Variants in ZNF529 observed in about 807,000 individuals in gnomAD.
The protein encoded by ZNF529 is zinc finger protein 529.
ZNF529 carries 11 observed loss-of-function variants against 10.1 expected under a neutral mutation model. That is an observed-to-expected ratio of 1.09 (90% CI 0.69 to 1.81). ZNF529 has a LOEUF of 1.81. Ranked by LOEUF, ZNF529 falls within the 40% of genes most tolerant of loss-of-function variation. ZNF529 has a pLI of 0.00. For missense variants in ZNF529, 624 were observed against 666.8 expected (o/e 0.94, Z 0.71); for synonymous variants, 204 against 215.7 (o/e 0.95, Z 0.47).
rs111439645 is a variant in ZNF529 at position 36,557,751 on chromosome 19, C to T, written c.15-1554G>A. On this transcript the variant is annotated intron_variant, in intron 2 of 4. Transcript: ENST00000591340. ...AAAGTACTGGAGTTCCAACAATTGT[C>T]TATAATGTCCACTTTCCACAAACAA... 9.5e-3 allele frequency among the ~76,000 whole-genome samples: 1,443 copies of T among 152,238 alleles called. 11 individuals are homozygous for T. The highest frequency in any genetic ancestry group is 0.019 in the South Asian group (93 of 4,828).
At chr19:36,596,756 G>A (rs1461046123) in intron 1 of ZNF529, among the ~76,000 whole-genome samples, 3 of 152,064 alleles carry the variant, frequency 2.0e-5, no homozygotes, top group Non-Finnish European at 4.4e-5. Flanking sequence ...CTGACCTCAA[G>A]TGATCTGCCC....
chr19:36,596,365 C>T (rs1399703994), intron 1 of ZNF529, among the ~76,000 whole-genome samples: 2 of 152,052 alleles, frequency 1.3e-5, no homozygotes, highest in African/African-American at 2.4e-5. Flanking sequence ...AGCCACCGCA[C>T]CCAGCCTTGG....
At chr19:36,550,685 A>G (rs2035227584) in intron 4 of ZNF529, among the ~76,000 whole-genome samples, 1 of 152,222 alleles carries the variant, frequency 6.6e-6, no homozygotes, top group Admixed American at 6.5e-5. Flanking sequence ...TTGTCTCATA[A>G]AAAGTAAAAA....
intron 1 of ZNF529, among the ~76,000 whole-genome samples, chr19:36,601,570 A>G (rs2036924368): frequency 6.6e-6 from 1 of 152,112 alleles, no homozygotes; most frequent in Non-Finnish European, 1.5e-5. Context: ...ATGTGGAATG[A>G]CTTAGAATAT....
Position 36,546,063 on chromosome 19 carries a change from A to ATATATATG in ZNF529, c.*802_*803insCATATATA, listed in dbSNP as rs1568567071. On this transcript the variant is annotated 3_prime_UTR_variant, in exon 5 of 5. Coordinates refer to ENST00000591340, the MANE Select transcript of ZNF529 (RefSeq NM_020951.5). Reference sequence around the variant, plus strand: ...ACATATATTGTGTGTGTGTGTGTGTATATATATATATATATATAGTGTGTT... The same window carrying ATATATATG: ...ACATATATTGTGTGTGTGTGTGTGTATATATATGTATATATATATATATATAGTGTGTT... 2.6e-5 allele frequency: 2 copies of ATATATATG among 78,404 alleles called. No homozygotes were observed. The highest frequency in any genetic ancestry group is 9.0e-5 in the African/African-American group (2 of 22,306). 4.9% of individuals were successfully genotyped at this position (78,404 alleles called of 1,614,324 possible).
chr19:36,575,794 A>G (rs962393194), upstream of ZNF529, among the ~76,000 whole-genome samples: 2 of 152,086 alleles, frequency 1.3e-5, no homozygotes, highest in African/African-American at 4.8e-5. Flanking sequence ...AGGCAGGTTT[A>G]ACCACGTTAT....
At chr19:36,549,448 TAA>T (rs1177218041) in intron 4 of ZNF529, among the ~76,000 whole-genome samples, 1 of 152,164 alleles carries the variant, frequency 6.6e-6, no homozygotes, top group Non-Finnish European at 1.5e-5. Flanking sequence ...TATACAAAGA[TAA>T]GTCACTAGAA....
intron 2 of ZNF529, among the ~76,000 whole-genome samples, chr19:36,560,388 T>C (rs1219128035): frequency 2.6e-5 from 4 of 152,284 alleles, no homozygotes; most frequent in Non-Finnish European, 4.4e-5. Context: ...ATGTATTTAT[T>C]GGGCCCATAA....
intron 1 of ZNF529, among the ~76,000 whole-genome samples, chr19:36,601,915 A>G (rs2145297421): frequency 6.6e-6 from 1 of 152,258 alleles, no homozygotes; most frequent in East Asian, 1.9e-4. Context: ...TATATAAAAG[A>G]GAGATGAAAA....
intron 2 of ZNF529, among the ~76,000 whole-genome samples, chr19:36,569,830 T>G (rs1198137278): frequency 3.3e-5 from 5 of 152,072 alleles, no homozygotes; most frequent in Non-Finnish European, 7.4e-5. Context: ...CCCTGCACAT[T>G]CCAAAGAAGA....
chr19:36,583,495 T>G (rs2036515146), intron 2 of ZNF529, among the ~76,000 whole-genome samples: 1 of 150,810 alleles, frequency 6.6e-6, no homozygotes. Context: ...TGAAAAACCC[T>G]TAAAAACAAA....
At chr19:36,590,789 G>A (rs747057870) in intron 1 of ZNF529, among the ~76,000 whole-genome samples, 6 of 151,824 alleles carry the variant, frequency 4.0e-5, no homozygotes, top group Non-Finnish European at 8.8e-5. Flanking sequence ...AATTAGCCAG[G>A]CATGGTGGCA....
chr19:36,598,803 T>G (rs1426100537), intron 1 of ZNF529, among the ~76,000 whole-genome samples: 3 of 152,214 alleles, frequency 2.0e-5, no homozygotes, highest in African/African-American at 7.2e-5. Context: ...CTATTTGTAT[T>G]GATGATGAAA....
At chr19:36,555,078 T>A (rs1351626221) in intron 3 of ZNF529, among the ~76,000 whole-genome samples, 2 of 152,202 alleles carry the variant, frequency 1.3e-5, no homozygotes, top group Non-Finnish European at 2.9e-5. Flanking sequence ...AGAAGTACTA[T>A]ATACAAGCAC....
intron 2 of ZNF529, among the ~76,000 whole-genome samples, chr19:36,562,415 T>C (rs529586304): frequency 7.9e-5 from 12 of 151,992 alleles, no homozygotes; most frequent in South Asian, 6.3e-4. Flanking sequence ...TTTTAATACT[T>C]TGGGGGCTAT....
At chr19:36,558,871 T>C (rs1401349952) in intron 2 of ZNF529, among the ~76,000 whole-genome samples, 4 of 151,758 alleles carry the variant, frequency 2.6e-5, no homozygotes, top group African/African-American at 9.7e-5. Flanking sequence ...AGAAAATATG[T>C]GCAAATTATA....
intron 1 of ZNF529, 145 bp from the exon 2 acceptor site, chr19:36,572,537 A>G: frequency 1.6e-6 from 1 of 638,234 alleles, no homozygotes; most frequent in South Asian, 2.1e-5. Flanking sequence ...ACTCCTCCCC[A>G]CATCCGAGAA....
rs147187405 is a variant in ZNF529 at position 36,564,666 on chromosome 19, G to T, written c.14+7667C>A. 8.5e-5 allele frequency among the ~76,000 whole-genome samples: 13 copies of T among 152,280 alleles called. No homozygotes were observed. The East Asian group carries it at 2.5e-3, about 29-fold the overall frequency. On this transcript the variant is annotated intron_variant, in intron 2 of 4. Transcript: ENST00000591340. Reference sequence around the variant, plus strand: ...GTTGGTGGGAGTGTAAATTAGTTTAGCCACTGTGGGATGCAGTTTGGAGAT... The same window carrying T: ...GTTGGTGGGAGTGTAAATTAGTTTATCCACTGTGGGATGCAGTTTGGAGAT...
intron 2 of ZNF529, among the ~76,000 whole-genome samples, chr19:36,586,608 C>T (rs766874834): frequency 1.4e-4 from 21 of 149,772 alleles, no homozygotes; most frequent in Non-Finnish European, 2.5e-4. Context: ...GAGACTCCGT[C>T]TCAAAAAAAG....
Sources: allele counts gnomAD v4.1 joint callset (sites outside exome capture counted in the v4.1 genomes callset), GRCh38; gene constraint gnomAD v4.1.1; transcripts MANE v1.5; gene names NCBI Gene and HGNC (gene_info 2026-07-23, HGNC 2026-07-21).